SPIRE1: variants seen among roughly 807,000 people sequenced by gnomAD.
SPIRE1 encodes spire type actin nucleation factor 1.
In SPIRE1, 40 loss-of-function variants were observed where a neutral mutation model predicts 94.1. The observed-to-expected ratio is 0.43, with a 90% CI of 0.33 to 0.55. The LOEUF is 0.55. Ranked by LOEUF, SPIRE1 falls within the 20% of genes least tolerant of loss-of-function variation. SPIRE1 has a pLI of 0.06. For missense variants in SPIRE1, 838 were observed against 975.2 expected (o/e 0.86, Z 1.87); for synonymous variants, 376 against 371.7 (o/e 1.01, Z -0.13).
rs1037215180 is a variant in SPIRE1, at chr18:12,559,100, C to T, written c.373-12196G>A. ...GTGCCTGCACTCCTCAGCCCTTGGG[C>T]GGTAGATGGGACCAGGCACCTTGGA... On this transcript the variant is annotated intron_variant, in intron 2 of 16. Transcript: ENST00000409402. This position sits in a 1 kb window ranked among gnomAD's most constrained non-coding sequence, Gnocchi z 4.7. Among the ~76,000 whole-genome samples the T allele has an allele frequency of 5.0e-5, 7 of 138,698 alleles. No homozygotes were observed. The East Asian group carries it at 6.9e-4, about 14-fold the overall frequency. The allele number at this position is 138,698 out of a possible 152,430, so 91.0% of individuals were successfully genotyped here. A position where few individuals can be genotyped will look rare whatever the true frequency, so the allele number is the denominator to read the frequency against.
intron 1 of SPIRE1, among the ~76,000 whole-genome samples, chr18:12,635,599 C>T (rs893818729): frequency 5.3e-5 from 8 of 151,960 alleles, no homozygotes; most frequent in Non-Finnish European, 7.4e-5. Flanking sequence ...TTAGGCAAAA[C>T]CATATAATTA....
At chr18:12,569,298 A>G (rs1598481166) in intron 2 of SPIRE1, among the ~76,000 whole-genome samples, 1 of 149,682 alleles carries the variant, frequency 6.7e-6, no homozygotes, top group South Asian at 2.1e-4. Flanking sequence ...CTGAGATCAC[A>G]CCAATGCACT....
chr18:12,489,952 T>C (rs1379323748), intron 8 of SPIRE1, among the ~76,000 whole-genome samples: 2 of 152,204 alleles, frequency 1.3e-5, no homozygotes, highest in Non-Finnish European at 2.9e-5. Context: ...GGGAAAGTGA[T>C]ACAAATATTT....
intron 3 of SPIRE1, among the ~76,000 whole-genome samples, chr18:12,544,576 C>T (rs1378109223): frequency 6.6e-6 from 1 of 151,466 alleles, no homozygotes; most frequent in Non-Finnish European, 1.5e-5. Context: ...AACTCCTGAG[C>T]TCAAGTGATC....
chr18:12,490,327 T>G (rs933322572), intron 8 of SPIRE1, among the ~76,000 whole-genome samples: 3 of 152,156 alleles, frequency 2.0e-5, no homozygotes, highest in Non-Finnish European at 4.4e-5. Context: ...ATTGAATCAC[T>G]CATCAAAAAG....
chr18:12,655,401 A>G (rs1428615855), intron 1 of SPIRE1, among the ~76,000 whole-genome samples: 2 of 152,228 alleles, frequency 1.3e-5, no homozygotes, highest in African/African-American at 4.8e-5. Context: ...CCACGCAACT[A>G]TTCTTAAAGC....
chr18:12,552,397 G>A (rs1185517561), intron 2 of SPIRE1, among the ~76,000 whole-genome samples: 3 of 151,998 alleles, frequency 2.0e-5, no homozygotes, highest in African/African-American at 7.2e-5. Context: ...TTTTCCACTT[G>A]AAGAGAGGAG....
intron 2 of SPIRE1, among the ~76,000 whole-genome samples, chr18:12,579,234 A>ACACAC (rs1567947028): frequency 1.4e-5 from 2 of 139,120 alleles, no homozygotes; most frequent in African/African-American, 2.6e-5. Flanking sequence ...CACACACACA[A>ACACAC]AATACTGACT....
At chr18:12,520,878 T>C (rs1373984330) in intron 4 of SPIRE1, among the ~76,000 whole-genome samples, 1 of 152,132 alleles carries the variant, frequency 6.6e-6, no homozygotes, top group East Asian at 1.9e-4. Context: ...GTCTTGGGGC[T>C]TTTTCTTTGC....
chr18:12,461,563 ATATG>A (rs1201027202), intron 12 of SPIRE1, among the ~76,000 whole-genome samples: 9 of 130,358 alleles, frequency 6.9e-5, no homozygotes, highest in Non-Finnish European at 1.1e-4. Flanking sequence ...ACATGCGTGT[ATATG>A]TATGTACATA....
chr18:12,471,103 T>TAAA (rs138606031), intron 10 of SPIRE1, among the ~76,000 whole-genome samples: 12 of 96,948 alleles, frequency 1.2e-4, no homozygotes, highest in Non-Finnish European at 1.3e-4. Context: ...CATCTTTCAG[T>TAAA]AAAAAAAAAA....
intron 2 of SPIRE1, among the ~76,000 whole-genome samples, chr18:12,587,001 G>T (rs1445457600): frequency 6.6e-6 from 1 of 152,192 alleles, no homozygotes; most frequent in African/African-American, 2.4e-5. Flanking sequence ...CCTGTGCCAA[G>T]CACTTCACTT....
At chr18:12,487,736 CA>C (rs1389099402) in intron 8 of SPIRE1, among the ~76,000 whole-genome samples, 3 of 152,162 alleles carry the variant, frequency 2.0e-5, no homozygotes, top group Non-Finnish European at 4.4e-5. Context: ...CCTGTTGAAG[CA>C]CTCTGCTTTT....
chr18:12,543,118 A>C (rs1350468237), intron 3 of SPIRE1, among the ~76,000 whole-genome samples: 2 of 152,058 alleles, frequency 1.3e-5, no homozygotes, highest in African/African-American at 4.8e-5. Context: ...GTGAGCCACC[A>C]TGTCTGGCCC....
chr18:12,486,001 C>A lies in SPIRE1; in HGVS notation c.1190-1G>T, dbSNP rs1458448412. ...TAAGACATGCTAAGTGGCCGCATTG[C>A]TGAAAAAAAGAAAACAAACAATAAA... On this transcript the variant is annotated splice_acceptor_variant, in intron 8 of 16. Transcript: ENST00000409402. LOFTEE classifies it high-confidence loss of function. 3.3e-6 allele frequency: 5 copies of A among 1,513,634 alleles called. No homozygotes were observed. The African/African-American group carries it at 7.2e-5, about 22-fold the overall frequency. The allele number at this position is 1,513,634 out of a possible 1,614,324, so 93.8% of individuals were successfully genotyped here.
rs2031073862 is a variant in SPIRE1, at chr18:12,448,808, T to C, written c.*830A>G. ...CCACTGTACACTGTCACAACCCTTC[T>C]CATAGGTAACCAAAATACGCTCAAC... On this transcript the variant is annotated 3_prime_UTR_variant, in exon 17 of 17. Transcript: ENST00000409402. This position sits in a 1 kb window ranked among gnomAD's most constrained non-coding sequence, Gnocchi z 4.4. 6.6e-6 allele frequency: 1 copy of C among 152,304 alleles called. No individual in the cohort carries two copies. Among genetic ancestry groups the C allele is most frequent in the Admixed American group, 6.5e-5 (1 of 15,288 alleles). 9.4% of individuals were successfully genotyped at this position (152,304 alleles called of 1,614,324 possible). A position where few individuals can be genotyped will look rare whatever the true frequency, so the allele number is the denominator to read the frequency against.
intron 2 of SPIRE1, among the ~76,000 whole-genome samples, chr18:12,627,507 C>T (rs892386020): frequency 2.0e-5 from 3 of 152,094 alleles, no homozygotes; most frequent in African/African-American, 7.2e-5. Flanking sequence ...GTGAATAGTG[C>T]CACAGTAAAC....
intron 5 of SPIRE1, among the ~76,000 whole-genome samples, chr18:12,509,381 C>T (rs1272411430): frequency 6.6e-6 from 1 of 152,130 alleles, no homozygotes; most frequent in South Asian, 2.1e-4. Flanking sequence ...TAGCTGTTTG[C>T]TAACTTCTGA....
chr18:12,527,441 T>A (rs2034553962), intron 4 of SPIRE1, among the ~76,000 whole-genome samples: 1 of 152,074 alleles, frequency 6.6e-6, no homozygotes, highest in Non-Finnish European at 1.5e-5. Flanking sequence ...ATACCCAGGG[T>A]TTATATATAA....
Sources: gnomAD v4.1 joint callset for allele counts (sites outside exome capture counted in the v4.1 genomes callset) on GRCh38, gnomAD v4.1.1 for gene constraint, Gnocchi (gnomAD v3.1) non-coding constraint, MANE v1.5 for transcripts, NCBI Gene and HGNC (gene_info 2026-07-23, HGNC 2026-07-21) for gene names.